The following SLC38A1 variants were observed in gnomAD, a reference collection of about 807,000 sequenced individuals.
SLC38A1 encodes solute carrier family 38 member 1.
Under a neutral mutation model 60.3 loss-of-function variants are expected in SLC38A1, and 18 were observed. The ratio of observed to expected loss-of-function variants is 0.30; its 90% CI spans 0.21 to 0.44. SLC38A1 has a LOEUF of 0.44. Among genes scored for constraint, SLC38A1 ranks in the 20% least tolerant of loss-of-function variants. The probability of loss-of-function intolerance (pLI) is 1.00; values close to 1 mark genes in which losing one functional copy is unlikely to be tolerated. For synonymous variants in SLC38A1, 196 were observed against 212.1 expected, an observed-to-expected ratio of 0.92 and a Z score of 0.66; for missense variants, 448 against 587.2, an observed-to-expected ratio of 0.76 and a Z score of 2.45.
Position 46,206,102 on chromosome 12 carries a change from A to C in SLC38A1, c.624T>G (p.Pro208=), listed in dbSNP as rs151105739. 1.7e-4 allele frequency: 282 copies of C among 1,611,674 alleles called. 1 individual carries two copies. In the African/African-American group the frequency reaches 2.9e-3, roughly 16 times the overall value. Residue 208 remains proline (P), a synonymous_variant, in exon 9 of 17, where the codon CCT becomes CCG. Transcript: ENST00000398637. The stretch of plus-strand genomic sequence containing the variant: ...TACCTAAGTTCTTCAAGAGACACAG[A>C]GGGAGAATTATGCCAAAGGTAACTA... ...VVIVTFGIIL[P]LCLLKNLGYL... is the part of the protein sequence containing the mutation.
At chr12:46,233,451 A>C (rs1188400463) in intron 3 of SLC38A1, among the ~76,000 whole-genome samples, 1 of 152,170 alleles carries the variant, frequency 6.6e-6, no homozygotes, top group Non-Finnish European at 1.5e-5. Flanking sequence ...AGAAAAGCAA[A>C]TATTTTCAAA....
Position 46,239,721 on chromosome 12 carries a change from T to C in SLC38A1, c.80A>G (p.Asp27Gly). The C allele has an allele frequency of 1.9e-6, 3 of 1,613,600 alleles. No individual in the cohort carries two copies. The highest frequency in any genetic ancestry group is 2.5e-6 in the Non-Finnish European group (3 of 1,179,902). ...TTCTACTTCGGTGAAATCATTGGAG[T>C]CATTGCTAATGTTATCATCCTCGGG... ...TVPEDDNISNDSNDFTEVENG... is the reference protein window; with the variant it reads ...TVPEDDNISNGSNDFTEVENG... Residue 27 changes from aspartate (D) to glycine (G), a missense_variant, in exon 3 of 17, where the codon GAC becomes GGC. Physicochemically the swap from Asp to Gly is moderately conservative, Grantham distance 94. This residue lies in a region of SLC38A1 where 102 missense variants were observed against 89.7 expected (regional missense o/e 1.14). Transcript: ENST00000398637.
chr12:46,247,148 C>T (rs1001256153), intron 1 of SLC38A1, among the ~76,000 whole-genome samples: 9 of 152,174 alleles, frequency 5.9e-5, no homozygotes, highest in Middle Eastern at 3.2e-3. Flanking sequence ...GGCTACTCCT[C>T]GCCAGCAATG....
In SLC38A1 at chr12:46,221,077, A is replaced by C. The variant is rs1206464469; in HGVS notation, c.314+8076T>G. Among the ~76,000 whole-genome samples, 5 of 152,170 alleles carry C rather than the reference A, an allele frequency of 3.3e-5. No homozygotes were observed. In the East Asian group the frequency reaches 9.6e-4, roughly 29 times the overall value. ...CAGAGACCCTTATATTTTTCGACTT[A>C]TCCTTACTGGAAGGGGTACTAACTG... is the stretch of plus-strand genomic sequence containing the variant. On this transcript the variant is annotated intron_variant, in intron 5 of 16. Coordinates refer to ENST00000398637, the MANE Select transcript of SLC38A1 (RefSeq NM_030674.4).
At chr12:46,208,815 GAGGGT>G (rs1940022646) in intron 6 of SLC38A1, among the ~76,000 whole-genome samples, 3 of 152,178 alleles carry the variant, frequency 2.0e-5, no homozygotes, top group African/African-American at 7.2e-5. Context: ...AGGTATAATT[GAGGGT>G]TCACTTTAAG....
chr12:46,211,298 T>C (rs1164408590), intron 5 of SLC38A1, among the ~76,000 whole-genome samples: 1 of 152,184 alleles, frequency 6.6e-6, no homozygotes, highest in Non-Finnish European at 1.5e-5. Context: ...ATGTGCCCTG[T>C]TGGGTCTACT....
chr12:46,207,845 G>A (rs1939978674), intron 6 of SLC38A1, among the ~76,000 whole-genome samples: 1 of 152,120 alleles, frequency 6.6e-6, no homozygotes. Context: ...CCTTTTTCAA[G>A]TTGGCTACCA....
chr12:46,201,730 C>T (rs1347350422), intron 12 of SLC38A1, among the ~76,000 whole-genome samples: 3 of 151,902 alleles, frequency 2.0e-5, no homozygotes, highest in Admixed American at 1.3e-4. Flanking sequence ...AGGGCTCCAT[C>T]TCTCAGGTCA....
At chr12:46,212,140 A>G (rs1410315126) in intron 5 of SLC38A1, among the ~76,000 whole-genome samples, 1 of 150,932 alleles carries the variant, frequency 6.6e-6, no homozygotes, top group Non-Finnish European at 1.5e-5. Context: ...ATGACATCTA[A>G]GAGAAAGAAG....
intron 12 of SLC38A1, among the ~76,000 whole-genome samples, chr12:46,201,723 G>T (rs1939667977): frequency 6.6e-6 from 1 of 151,854 alleles, no homozygotes; most frequent in Non-Finnish European, 1.5e-5. Context: ...ATGATGAAGG[G>T]CTCCATCTCT....
At chr12:46,199,178 C>T (rs1939526149) in intron 13 of SLC38A1, among the ~76,000 whole-genome samples, 5 of 152,050 alleles carry the variant, frequency 3.3e-5, no homozygotes, top group Admixed American at 2.6e-4. Context: ...TCAAACTCTT[C>T]TCTTGTTAAG....
intron 1 of SLC38A1, among the ~76,000 whole-genome samples, chr12:46,259,924 C>T (rs73280714): frequency 1.3e-5 from 2 of 152,138 alleles, no homozygotes; most frequent in Non-Finnish European, 2.9e-5. Flanking sequence ...GCCACCACTC[C>T]CCTGAAATCA....
intron 1 of SLC38A1, among the ~76,000 whole-genome samples, chr12:46,247,742 C>T (rs1469948838): frequency 6.6e-6 from 1 of 152,090 alleles, no homozygotes; most frequent in Non-Finnish European, 1.5e-5. Context: ...GTCAGATTCA[C>T]CAAAGTTGAA....
rs1048344700 is a variant in SLC38A1, at chr12:46,184,854, A to G, written c.*4116T>C. Reference sequence around the variant, plus strand: ...TTTCCTCACAGCTTTAAAAAATAAAATATTATCATGCCTCAGCCCGAGGTA... The same window carrying G: ...TTTCCTCACAGCTTTAAAAAATAAAGTATTATCATGCCTCAGCCCGAGGTA... On this transcript the variant is annotated 3_prime_UTR_variant, in exon 17 of 17. Coordinates refer to ENST00000398637, the MANE Select transcript of SLC38A1 (RefSeq NM_030674.4). The G allele has an allele frequency of 1.3e-5, 2 of 152,218 alleles. No individual in the cohort carries two copies. The highest frequency in any genetic ancestry group is 4.8e-5 in the African/African-American group (2 of 41,454). The allele number at this position is 152,218 out of a possible 1,614,324, so 9.4% of individuals were successfully genotyped here.
intron 3 of SLC38A1, among the ~76,000 whole-genome samples, chr12:46,231,682 G>A (rs1941081437): frequency 6.6e-6 from 1 of 152,218 alleles, no homozygotes; most frequent in Non-Finnish European, 1.5e-5. Context: ...CTGAGACAGA[G>A]TCTCACTCAG....
At position 46,187,526 on chromosome 12, in the gene SLC38A1, T is replaced by G. The variant is rs3742060; in HGVS notation, c.*1444A>C. On this transcript the variant is annotated 3_prime_UTR_variant, in exon 17 of 17. Coordinates refer to ENST00000398637, the MANE Select transcript of SLC38A1 (RefSeq NM_030674.4). ...GTTTCCTTGCTATCCCTATTCTTTTTCAGCTACAAACTCTCTTCTTTTTCA... is the reference window on the plus strand; with the variant it reads ...GTTTCCTTGCTATCCCTATTCTTTTGCAGCTACAAACTCTCTTCTTTTTCA... 16,685 of 152,330 alleles carry G rather than the reference T, an allele frequency of 0.11. 1,225 individuals carry two copies. Among genetic ancestry groups the G allele is most frequent in the East Asian group, 0.28 (1,456 of 5,180 alleles). 9.4% of individuals were successfully genotyped at this position (152,330 alleles called of 1,614,324 possible).
At chr12:46,226,807 G>A (rs924104636) in intron 5 of SLC38A1, among the ~76,000 whole-genome samples, 1 of 151,964 alleles carries the variant, frequency 6.6e-6, no homozygotes, top group Non-Finnish European at 1.5e-5. Flanking sequence ...AGTAGAGACG[G>A]GGTTTCACCA....
intron 4 of SLC38A1, 97 bp downstream of exon 4, chr12:46,229,467 T>A (rs1000706726): frequency 1.5e-5 from 14 of 956,906 alleles, no homozygotes; most frequent in Non-Finnish European, 2.3e-5. Context: ...TGAATACAGG[T>A]AGTTATGCTT....
At chr12:46,226,079 T>A (rs983080899) in intron 5 of SLC38A1, among the ~76,000 whole-genome samples, 1 of 152,234 alleles carries the variant, frequency 6.6e-6, no homozygotes, top group African/African-American at 2.4e-5. Flanking sequence ...ATTAGGGAAC[T>A]GTTGTTGACT....
Sources: gnomAD v4.1 joint callset for allele counts (sites outside exome capture counted in the v4.1 genomes callset) on GRCh38, gnomAD v4.1.1 for gene constraint, gnomAD v4.1.1 regional missense constraint, MANE v1.5 for transcripts, NCBI Gene and HGNC (gene_info 2026-07-23, HGNC 2026-07-21) for gene names.